EML1: variants seen among roughly 807,000 people sequenced by gnomAD.
EML1 encodes EMAP like 1.
In EML1, 27 loss-of-function variants were observed where a neutral mutation model predicts 110.4. The ratio of observed to expected loss-of-function variants is 0.24; its 90% CI spans 0.18 to 0.34. The LOEUF is 0.34. Among genes scored for constraint, EML1 ranks in the 10% least tolerant of loss-of-function variants. The pLI is 1.00. For synonymous variants in EML1, 344 were observed against 385.8 expected (o/e 0.89, Z 1.27); for missense variants, 741 against 1,030.9 (o/e 0.72, Z 3.85).
In EML1 at chr14:99,875,083, C is replaced by A; in HGVS notation, c.384-3402C>A. 4.3e-6 allele frequency: 5 copies of A among 1,155,710 alleles called. No homozygotes were observed. In the East Asian group the frequency reaches 7.3e-5, roughly 17 times the overall value. 71.6% of individuals were successfully genotyped at this position (1,155,710 alleles called of 1,614,324 possible). A position where few individuals can be genotyped will look rare whatever the true frequency, so the allele number is the denominator to read the frequency against. On this transcript the variant is annotated intron_variant, in intron 3 of 21. Coordinates refer to ENST00000262233, the MANE Select transcript of EML1 (RefSeq NM_004434.3). ...AGTAGCTTCAAGGTCTTGTCCAGTG[C>A]CTACCATTCATCAAGTCATCAATCA...
intron 1 of EML1, among the ~76,000 whole-genome samples, chr14:99,849,639 C>G (rs551954019): frequency 6.6e-6 from 1 of 150,678 alleles, no homozygotes; most frequent in Admixed American, 6.6e-5. Context: ...CTTCTGCCTC[C>G]TGGGTTCAAG....
chr14:99,873,488 T>G (rs951603132), intron 3 of EML1, among the ~76,000 whole-genome samples: 3 of 152,244 alleles, frequency 2.0e-5, no homozygotes, highest in African/African-American at 7.2e-5. Flanking sequence ...TTCCGATCCA[T>G]TGAAACGTAG....
intron 1 of EML1, among the ~76,000 whole-genome samples, chr14:99,826,454 A>G (rs2058360261): frequency 6.6e-6 from 1 of 152,104 alleles, no homozygotes; most frequent in Non-Finnish European, 1.5e-5. Flanking sequence ...GGACTAAATT[A>G]TGTGGATGCA....
rs201036968 is a variant in EML1 at position 99,882,654 on chromosome 14, A to T, written c.518+4035A>T. Reference sequence around the variant, plus strand: ...AATAATGATAGCTGATGAGCTAAAAAAAAAAAAAAAAAAAAAAAAAAGAAA... The same window carrying T: ...AATAATGATAGCTGATGAGCTAAAATAAAAAAAAAAAAAAAAAAAAAGAAA... On this transcript the variant is annotated intron_variant, in intron 4 of 21. Coordinates refer to ENST00000262233, the MANE Select transcript of EML1 (RefSeq NM_004434.3). Among the ~76,000 whole-genome samples the T allele has an allele frequency of 1.7e-3, 37 of 22,408 alleles. No homozygotes were observed. In the South Asian group the frequency reaches 0.097, roughly 59 times the overall value. The allele number at this position is 22,408 out of a possible 152,430, so 14.7% of individuals were successfully genotyped here.
Position 99,811,609 on chromosome 14 carries a change from C to T in EML1, c.67+18066C>T, listed in dbSNP as rs1290755958. On this transcript the variant is annotated intron_variant, in intron 1 of 21. Coordinates refer to ENST00000262233, the MANE Select transcript of EML1 (RefSeq NM_004434.3). ...CTTGACCCTAGGAGTTTTAGATCAG[C>T]CTGGGCAACACGATAAAACCCTGTC... Among the ~76,000 whole-genome samples the T allele has an allele frequency of 3.4e-5, 5 of 147,474 alleles. No homozygotes were observed. The South Asian group carries it at 6.6e-4, about 19-fold the overall frequency.
At chr14:99,910,154 T>A in intron 11 of EML1, 88 bp from the exon 12 acceptor site, 1 of 959,094 alleles carries the variant, frequency 1.0e-6, no homozygotes, top group Non-Finnish European at 1.5e-6. Context: ...CGAATCTAGA[T>A]GTTATTAGTA....
At chr14:99,911,330 T>C (rs2059942883) in intron 12 of EML1, 92 bp from the exon 13 acceptor site, 1 of 1,417,052 alleles carries the variant, frequency 7.1e-7, no homozygotes, top group Non-Finnish European at 9.4e-7. Flanking sequence ...CGGACAATAT[T>C]GCGTTTTAAA....
chr14:99,884,104 T>C (rs2059433989), intron 4 of EML1, among the ~76,000 whole-genome samples: 1 of 152,228 alleles, frequency 6.6e-6, no homozygotes, highest in South Asian at 2.1e-4. Context: ...ACAGGGTGCC[T>C]AAGATCCCAT....
intron 1 of EML1, among the ~76,000 whole-genome samples, chr14:99,754,527 G>C (rs1437911331): frequency 6.6e-6 from 1 of 152,222 alleles, no homozygotes; most frequent in Non-Finnish European, 1.5e-5. Context: ...GACCCACTTT[G>C]GTGGTCTTGA....
intron 1 of EML1, among the ~76,000 whole-genome samples, chr14:99,794,199 G>A (rs907218430): frequency 2.0e-5 from 3 of 151,950 alleles, no homozygotes; most frequent in African/African-American, 7.2e-5. Flanking sequence ...CCACCAATAT[G>A]GCATCTTTTT....
In EML1 at chr14:99,881,348, C is replaced by T. The variant is rs368804137; in HGVS notation, c.518+2729C>T. Among the ~76,000 whole-genome samples, 6 of 152,184 alleles carry T rather than the reference C, an allele frequency of 3.9e-5. No homozygotes were observed. The East Asian group carries it at 5.8e-4, about 15-fold the overall frequency. ...TCTCACACGCCATGTGCAAAGCTGT[C>T]GTTAGCACATATGGCACTTAGGCGC... On this transcript the variant is annotated intron_variant, in intron 4 of 21. Transcript: ENST00000262233.
intron 2 of EML1, among the ~76,000 whole-genome samples, chr14:99,855,009 A>G (rs148139418): frequency 2.0e-3 from 312 of 152,272 alleles, no homozygotes; most frequent in Middle Eastern, 6.8e-3. Context: ...ATAGGAAACA[A>G]TAAGGGAGCA....
In EML1 at chr14:99,939,937, A is replaced by G. The variant is rs370203668; in HGVS notation, c.2323-50A>G. The stretch of plus-strand genomic sequence containing the variant: ...GAATTCAAGCACTTTCCCATCCCAG[A>G]TGGTTCGCCTTGTAGTAAAGGAAGC... On this transcript the variant is annotated intron_variant, in intron 21 of 21. Coordinates refer to ENST00000262233, the MANE Select transcript of EML1 (RefSeq NM_004434.3). This position sits in a 1 kb window ranked among gnomAD's most constrained non-coding sequence, Gnocchi z 4.2. 163 of 1,473,478 alleles carry G rather than the reference A, an allele frequency of 1.1e-4. No individual in the cohort carries two copies. In the African/African-American group the frequency reaches 2.0e-3, roughly 18 times the overall value. The allele number at this position is 1,473,478 out of a possible 1,614,324, so 91.3% of individuals were successfully genotyped here. A position where few individuals can be genotyped will look rare whatever the true frequency, so the allele number is the denominator to read the frequency against.
chr14:99,866,241 G>A (rs1026549578), intron 3 of EML1, among the ~76,000 whole-genome samples: 1 of 152,178 alleles, frequency 6.6e-6, no homozygotes, highest in East Asian at 1.9e-4. Flanking sequence ...TCAGGAGTGT[G>A]AGACCAGCCC....
chr14:99,819,674 G>A lies in EML1; in HGVS notation c.67+26131G>A, dbSNP rs367820666. 2.0e-4 allele frequency among the ~76,000 whole-genome samples: 30 copies of A among 152,326 alleles called. 2 individuals are homozygous for A. The highest frequency in any genetic ancestry group is 7.0e-4 in the African/African-American group (29 of 41,578). On this transcript the variant is annotated intron_variant, in intron 1 of 21. Transcript: ENST00000262233. Reference sequence around the variant, plus strand: ...GTTCACTCTCGTCTTAGAGCTTGGTGTCAGGAAGCTCTGTCTGGAGGTTTC... The same window carrying A: ...GTTCACTCTCGTCTTAGAGCTTGGTATCAGGAAGCTCTGTCTGGAGGTTTC...
chr14:99,861,194 C>T (rs2058997348), intron 2 of EML1, among the ~76,000 whole-genome samples: 1 of 152,088 alleles, frequency 6.6e-6, no homozygotes. Flanking sequence ...TGTGTGTAGG[C>T]CTGGGAGCAG....
In EML1 at chr14:99,939,233, A is replaced by G. The variant is rs773238153; in HGVS notation, c.2228A>G (p.Asn743Ser). 20 of 1,614,078 alleles carry G rather than the reference A, an allele frequency of 1.2e-5. No homozygotes were observed. The highest frequency in any genetic ancestry group is 5.3e-5 in the African/African-American group (4 of 74,930). Reference sequence around the variant, plus strand: ...GAAGGCTCGGACGGAACCGACATCAATGCCGTCTGTCGGGCCCATGAGAAG... The same window carrying G: ...GAAGGCTCGGACGGAACCGACATCAGTGCCGTCTGTCGGGCCCATGAGAAG... ...WPEGSDGTDI[N>S]AVCRAHEKKL... The change falls in exon 21 of 22, where the codon AAT becomes AGT. Residue 743 changes from asparagine to serine, a missense_variant. Physicochemically the swap from Asn to Ser is conservative, Grantham distance 46. Transcript: ENST00000262233. The surrounding 1 kb of genome is among the most constrained non-coding windows in gnomAD (Gnocchi z 4.2).
chr14:99,741,405 C>A (rs1282216410), intron 1 of EML1, among the ~76,000 whole-genome samples: 2 of 152,136 alleles, frequency 1.3e-5, no homozygotes, highest in Non-Finnish European at 2.9e-5. Flanking sequence ...CAATGCCCTG[C>A]AGCTTCTGAT....
chr14:99,863,699 T>A (rs1486331057), intron 2 of EML1, among the ~76,000 whole-genome samples: 1 of 152,246 alleles, frequency 6.6e-6, no homozygotes, highest in Non-Finnish European at 1.5e-5. Flanking sequence ...TATTCCATTG[T>A]ATGGATGGGT....
Sources: allele counts gnomAD v4.1 joint callset (sites outside exome capture counted in the v4.1 genomes callset), GRCh38; gene constraint gnomAD v4.1.1; non-coding constraint Gnocchi (gnomAD v3.1); transcripts MANE v1.5; gene names NCBI Gene and HGNC (gene_info 2026-07-23, HGNC 2026-07-21).